The following CHD6 variants were observed in gnomAD, a reference collection of about 807,000 sequenced individuals.
CHD6 encodes ATP-dependent chromatin remodeler CHD6.
A neutral mutation model predicts 276.9 loss-of-function variants in CHD6; 50 were observed. The observed-to-expected ratio is 0.18, with a 90% confidence interval of 0.14 to 0.23. The LOEUF is 0.23. CHD6 is among the 10% of genes least tolerant of loss of function. CHD6 has a pLI of 1.00. For synonymous variants in CHD6, 1,173 were observed against 1,229.3 expected (o/e 0.95, Z 0.96); for missense variants, 2,564 against 3,365.8 (o/e 0.76, Z 5.89).
chr20:41,544,583 C>G (rs929214937), intron 2 of CHD6, among the ~76,000 whole-genome samples: 1 of 151,614 alleles, frequency 6.6e-6, no homozygotes, highest in Non-Finnish European at 1.5e-5. Flanking sequence ...ACATTAGTAA[C>G]ATGAATTAAA....
intron 5 of CHD6, among the ~76,000 whole-genome samples, chr20:41,508,729 G>A (rs765092421): frequency 3.9e-5 from 6 of 152,106 alleles, no homozygotes; most frequent in Non-Finnish European, 5.9e-5. Flanking sequence ...ATGCTGGCAC[G>A]AAGCTACGGC....
chr20:41,443,426 C>A (rs1160916973), intron 25 of CHD6, among the ~76,000 whole-genome samples: 1 of 152,232 alleles, frequency 6.6e-6, no homozygotes, highest in Non-Finnish European at 1.5e-5. Context: ...CATTTTTACA[C>A]ATTCTAAGGC....
intron 27 of CHD6, among the ~76,000 whole-genome samples, chr20:41,435,881 G>A (rs1239748840): frequency 6.6e-6 from 1 of 152,114 alleles, no homozygotes; most frequent in African/African-American, 2.4e-5. Flanking sequence ...ACGGCACTCA[G>A]GATTATGTGC....
At chr20:41,550,703 T>C (rs2045132291) in intron 2 of CHD6, among the ~76,000 whole-genome samples, 1 of 152,190 alleles carries the variant, frequency 6.6e-6, no homozygotes, top group Non-Finnish European at 1.5e-5. Flanking sequence ...AGGTCTCCCA[T>C]CTGACCTCCC....
chr20:41,404,157 T>C lies in CHD6; in HGVS notation c.*436A>G. ...CACTTCCTTTTTCTGTGCTTTTTGG[T>C]TCCCTGTGACATTCTTCCTGTGCAA... On this transcript the variant is annotated 3_prime_UTR_variant, in exon 37 of 37. Coordinates refer to ENST00000373233, the MANE Select transcript of CHD6 (RefSeq NM_032221.5). 1 of 1,060,840 alleles carries C rather than the reference T, an allele frequency of 9.4e-7. No individual in the cohort carries two copies. Among genetic ancestry groups the C allele is most frequent in the Non-Finnish European group, 1.1e-6 (1 of 877,082 alleles). The allele number at this position is 1,060,840 out of a possible 1,614,324, so 65.7% of individuals were successfully genotyped here.
chr20:41,606,011 T>C (rs1181039158), intron 1 of CHD6, among the ~76,000 whole-genome samples: 1 of 152,114 alleles, frequency 6.6e-6, no homozygotes, highest in Non-Finnish European at 1.5e-5. Flanking sequence ...AAGACAAACA[T>C]TTAGAACACT....
chr20:41,525,345 C>A (rs946737459), intron 3 of CHD6, among the ~76,000 whole-genome samples: 2 of 152,208 alleles, frequency 1.3e-5, no homozygotes, highest in African/African-American at 4.8e-5. Flanking sequence ...ACCACACAGC[C>A]ATTCTGCAGA....
At chr20:41,465,344 TGAG>T (rs2042896954) in intron 17 of CHD6, among the ~76,000 whole-genome samples, 1 of 152,206 alleles carries the variant, frequency 6.6e-6, no homozygotes, top group African/African-American at 2.4e-5. Flanking sequence ...TACAATGCAC[TGAG>T]GAGGACATAA....
chr20:41,510,912 G>A (rs962274695), intron 5 of CHD6, among the ~76,000 whole-genome samples: 1 of 152,126 alleles, frequency 6.6e-6, no homozygotes, highest in Non-Finnish European at 1.5e-5. Context: ...GTATTATAGT[G>A]ACAATATATC....
intron 8 of CHD6, 125 bp downstream of exon 8, chr20:41,497,259 C>T: frequency 1.4e-6 from 1 of 709,542 alleles, no homozygotes; most frequent in Non-Finnish European, 2.5e-6. Flanking sequence ...AATCAGCACA[C>T]ATTTATCAAT....
intron 34 of CHD6, 47 bp from the exon 35 acceptor site, chr20:41,413,562 T>C: frequency 1.4e-6 from 2 of 1,391,082 alleles, no homozygotes; most frequent in East Asian, 5.2e-5. Flanking sequence ...ACAATGAAAA[T>C]TAGTTTCTAA....
chr20:41,418,578 A>G (rs995065741), intron 31 of CHD6, among the ~76,000 whole-genome samples: 1 of 152,118 alleles, frequency 6.6e-6, no homozygotes, highest in Non-Finnish European at 1.5e-5. Flanking sequence ...TAAGCAGAGG[A>G]GTTGAATTTA....
Position 41,447,954 on chromosome 20 carries a change from C to T in CHD6, c.3701G>A (p.Arg1234Gln), listed in dbSNP as rs201156973. 1.9e-6 allele frequency: 3 copies of T among 1,609,568 alleles called. No homozygotes were observed. Among genetic ancestry groups the T allele is most frequent in the Non-Finnish European group, 2.5e-6 (3 of 1,177,336 alleles). ...QHCNKVLLRV[R>Q]MLYYLKAEIL... is the part of the protein sequence containing the mutation. ...TTCAGCTTTTAGGTAGTACAGCATC[C>T]GGACTCGCAAAAGTACTCTATGAAA... Residue 1234 changes from arginine (R) to glutamine (Q), a missense_variant, in exon 24 of 37, where the codon CGG becomes CAG. Physicochemically the swap from Arg to Gln is conservative, Grantham distance 43. Coordinates refer to ENST00000373233, the MANE Select transcript of CHD6 (RefSeq NM_032221.5).
chr20:41,496,898 T>C (rs758107948), intron 8 of CHD6: 49 of 162,476 alleles, frequency 3.0e-4, no homozygotes, highest in Admixed American at 2.9e-4. Flanking sequence ...TATAGCATTA[T>C]AGATTTGTTT....
chr20:41,434,587 C>T (rs2047648819), intron 27 of CHD6, among the ~76,000 whole-genome samples: 2 of 152,166 alleles, frequency 1.3e-5, no homozygotes, highest in South Asian at 4.1e-4. Flanking sequence ...TCAGGCTGGT[C>T]TCAAACCCCT....
In CHD6 at chr20:41,425,368, AT is replaced by A; in HGVS notation, c.4155del (p.Lys1385AsnfsTer209). The stretch of plus-strand genomic sequence containing the variant: ...AGGGCGGAGGAAACTGGCCAGGGCG[AT>A]TTGTCTGGGTCGGAGCCATCCTGGG... ...RAAQDGSDPD[K>X]SPWPVSSALT... On this transcript the variant is annotated frameshift_variant, in exon 29 of 37. Transcript: ENST00000373233. LOFTEE classifies it high-confidence loss of function. 1 of 1,614,090 alleles carries A rather than the reference AT, an allele frequency of 6.2e-7. No individual in the cohort carries two copies. The highest frequency in any genetic ancestry group is 8.5e-7 in the Non-Finnish European group (1 of 1,180,026).
At chr20:41,602,825 G>A (rs2045786928) in intron 1 of CHD6, among the ~76,000 whole-genome samples, 1 of 151,988 alleles carries the variant, frequency 6.6e-6, no homozygotes, top group Non-Finnish European at 1.5e-5. Context: ...GGATCTACAG[G>A]TGCACACCAC....
chr20:41,498,003 C>G (rs2043729430), intron 7 of CHD6, 165 bp downstream of exon 7: 1 of 590,522 alleles, frequency 1.7e-6, no homozygotes, highest in Admixed American at 3.4e-5. Flanking sequence ...CTGTGTGCAG[C>G]TATAATTGAG....
chr20:41,412,158 C>T lies in CHD6; in HGVS notation c.7237G>A (p.Glu2413Lys). The T allele has an allele frequency of 6.2e-7, 1 of 1,614,196 alleles. No homozygotes were observed. Among genetic ancestry groups the T allele is most frequent in the Non-Finnish European group, 8.5e-7 (1 of 1,180,026 alleles). The change falls in exon 36 of 37, where the codon GAG (glutamate) becomes AAG (lysine). Residue 2413 changes from glutamate to lysine, a missense_variant. Physicochemically the swap from Glu to Lys is moderately conservative, Grantham distance 56. Around this residue, in one of 7 missense-constraint regions of CHD6, gnomAD observed 1,024 missense variants for 1,047.9 expected, o/e 0.98. Transcript: ENST00000373233. ...GEERVPAIPK[E>K]PGLRGFLPEN... ...TTCTTCCTTACCCTCAGTCCTGGCT[C>T]CTTGGGGATGGCAGGAACTCTCTCT...
Sources: allele counts gnomAD v4.1 joint callset (sites outside exome capture counted in the v4.1 genomes callset), GRCh38; gene constraint gnomAD v4.1.1; regional missense constraint gnomAD v4.1.1; transcripts MANE v1.5; gene names NCBI Gene and HGNC (gene_info 2026-07-23, HGNC 2026-07-21).